Variants in CILP2 observed in about 807,000 individuals in gnomAD.
The protein encoded by CILP2 is CILP-2.
In CILP2, 38 loss-of-function variants were observed where a neutral mutation model predicts 45.6. The ratio of observed to expected loss-of-function variants is 0.83; its 90% CI spans 0.64 to 1.09. The LOEUF (loss-of-function observed/expected upper bound fraction) is 1.09, where lower values mean the gene tolerates loss of function less well. Ranked by LOEUF, CILP2 falls within the 50% of genes least tolerant of loss-of-function variation. The pLI, the probability that CILP2 is intolerant of heterozygous loss-of-function variation, is 0.00. For missense variants in CILP2, 1,735 were observed against 1,662.2 expected (o/e 1.04, Z -0.76); for synonymous variants, 780 against 723.5 (o/e 1.08, Z -1.25).
chr19:19,544,460 A>C lies in CILP2; in HGVS notation c.1915A>C (p.Thr639Pro), dbSNP rs1410608326. ...CGACGGCGAGCTGGCTCCACTGCGC[A>C]CCTACGGCATGTTCTCCGTGGACCT... ...DSDGELAPLR[T>P]YGMFSVDLRA... Residue 639 changes from threonine (T) to proline (P), a missense_variant, in exon 8 of 8, where the codon ACC (threonine) becomes CCC (proline). Coordinates refer to ENST00000291495, the MANE Select transcript of CILP2 (RefSeq NM_153221.2). The C allele has an allele frequency of 1.9e-6, 3 of 1,608,694 alleles. No individual in the cohort carries two copies. The highest frequency in any genetic ancestry group is 2.5e-6 in the Non-Finnish European group (3 of 1,179,580).
intron 1 of CILP2, 64 bp downstream of exon 1, chr19:19,538,477 G>T: frequency 1.5e-6 from 2 of 1,295,544 alleles, no homozygotes; most frequent in East Asian, 3.0e-5. Flanking sequence ...AGCCGGCCTT[G>T]GGTGAAGCCG....
rs780658186 is a variant in CILP2 at position 19,544,867 on chromosome 19, C to A, written c.2322C>A (p.Asn774Lys). 4 of 1,593,404 alleles carry A rather than the reference C, an allele frequency of 2.5e-6. No individual in the cohort carries two copies. Among genetic ancestry groups the A allele is most frequent in the Admixed American group, 3.4e-5 (2 of 58,362 alleles). ...NLEPAPGFSA[N>K]PRAWGRFDSA... ...AGCCCGCCCCCGGCTTCTCCGCCAA[C>A]CCCCGTGCCTGGGGCCGCTTTGACA... is the stretch of plus-strand genomic sequence containing the variant. Residue 774 changes from asparagine to lysine, a missense_variant, in exon 8 of 8, where the codon AAC becomes AAA. Coordinates refer to ENST00000291495, the MANE Select transcript of CILP2 (RefSeq NM_153221.2).
At position 19,544,313 on chromosome 19, in the gene CILP2, G is replaced by A. The variant is rs371319583; in HGVS notation, c.1768G>A (p.Ala590Thr). The A allele has an allele frequency of 6.2e-7, 1 of 1,612,594 alleles. No individual in the cohort carries two copies. Among genetic ancestry groups the A allele is most frequent in the Non-Finnish European group, 8.5e-7 (1 of 1,179,986 alleles). Residue 590 changes from alanine (A) to threonine (T), a missense_variant, in exon 8 of 8, where the codon GCT becomes ACT. Coordinates refer to ENST00000291495, the MANE Select transcript of CILP2 (RefSeq NM_153221.2). ...PLGELVLPSG[A>T]FRRADGKPYS... Reference sequence around the variant, plus strand: ...GGGCGAGCTGGTCCTGCCTTCTGGCGCTTTCCGCAGAGCCGACGGCAAACC... The same window carrying A: ...GGGCGAGCTGGTCCTGCCTTCTGGCACTTTCCGCAGAGCCGACGGCAAACC...
Position 19,544,883 on chromosome 19 carries a change from C to G in CILP2, c.2338C>G (p.Arg780Gly). The G allele has an allele frequency of 6.3e-7, 1 of 1,589,824 alleles. No homozygotes were observed. The highest frequency in any genetic ancestry group is 8.5e-7 in the Non-Finnish European group (1 of 1,175,936). ...GFSANPRAWG[R>G]FDSAVTGPNG... ...CTCCGCCAACCCCCGTGCCTGGGGCCGCTTTGACAGCGCGGTCACCGGCCC... is the reference window on the plus strand; with the variant it reads ...CTCCGCCAACCCCCGTGCCTGGGGCGGCTTTGACAGCGCGGTCACCGGCCC... The change falls in exon 8 of 8, where the codon CGC becomes GGC. Residue 780 changes from arginine (R) to glycine (G), a missense_variant. Transcript: ENST00000291495.
Position 19,544,777 on chromosome 19 carries a change from C to G in CILP2, c.2232C>G (p.Tyr744Ter). 3.7e-6 allele frequency: 6 copies of G among 1,606,816 alleles called. No homozygotes were observed. Among genetic ancestry groups the G allele is most frequent in the Non-Finnish European group, 5.1e-6 (6 of 1,179,620 alleles). The change falls in exon 8 of 8, where the codon TAC becomes TAG. Residue 744 changes from tyrosine to a stop codon, truncating the protein, a stop_gained. Coordinates refer to ENST00000291495, the MANE Select transcript of CILP2 (RefSeq NM_153221.2). LOFTEE classifies it low-confidence loss of function (END_TRUNC). ...RRRCFVKVRA[Y>*]ANDKFTPSEQ... is the part of the protein sequence containing the mutation. ...GCTGCTTCGTGAAGGTGCGCGCCTA[C>G]GCCAACGACAAGTTCACCCCCAGCG...
In CILP2 at chr19:19,541,185, TG is replaced by T; in HGVS notation, c.535del (p.Asp179MetfsTer46). The T allele has an allele frequency of 7.9e-7, 1 of 1,269,690 alleles. No individual in the cohort carries two copies. The highest frequency in any genetic ancestry group is 9.9e-7 in the Non-Finnish European group (1 of 1,006,686). The allele number at this position is 1,269,690 out of a possible 1,614,324, so 78.7% of individuals were successfully genotyped here. ...LRRRHCPSPA[G>X]DACPGRPLEA... Reference sequence around the variant, plus strand: ...GCCGCCGCCACTGCCCAAGCCCCGCTGGGGATGCGTGTCCCGGGCGTCCTCT... The same window carrying T: ...GCCGCCGCCACTGCCCAAGCCCCGCTGGGATGCGTGTCCCGGGCGTCCTCT... On this transcript the variant is annotated frameshift_variant, in exon 4 of 8. Coordinates refer to ENST00000291495, the MANE Select transcript of CILP2 (RefSeq NM_153221.2). LOFTEE classifies it high-confidence loss of function.
At chr19:19,541,972 A>G (rs2061246165) in intron 4 of CILP2, among the ~76,000 whole-genome samples, 1 of 152,088 alleles carries the variant, frequency 6.6e-6, no homozygotes, top group South Asian at 2.1e-4. Flanking sequence ...TTCCAGTGGA[A>G]TTTTCCATTT....
In CILP2 at chr19:19,544,645, G is replaced by A; in HGVS notation, c.2100G>A (p.Glu700=). Residue 700 remains glutamate (E), a synonymous_variant, in exon 8 of 8, where the codon GAG becomes GAA. Transcript: ENST00000291495. ...LWEEESGFRR[E]GSSGPRVRRE... ...AGGAGGAGAGCGGCTTCCGGCGCGA[G>A]GGGTCCTCGGGCCCCCGGGTGCGCC... 6.5e-7 allele frequency: 1 copy of A among 1,549,132 alleles called. No homozygotes were observed. The highest frequency in any genetic ancestry group is 1.2e-5 in the South Asian group (1 of 83,044).
Position 19,538,281 on chromosome 19 carries a change from A to T in CILP2, c.-69A>T. On this transcript the variant is annotated 5_prime_UTR_variant, in exon 1 of 8. Transcript: ENST00000291495. ...CCCACTCTCAGTCCCAGCGGCCGCC[A>T]GACCCGCCGGAGTTGGACCCGAGCA... 1 of 1,448,396 alleles carries T rather than the reference A, an allele frequency of 6.9e-7. No homozygotes were observed. The highest frequency in any genetic ancestry group is 9.3e-7 in the Non-Finnish European group (1 of 1,074,330). The allele number at this position is 1,448,396 out of a possible 1,614,324, so 89.7% of individuals were successfully genotyped here.
In CILP2 at chr19:19,543,906, T is replaced by C. The variant is rs1450369115; in HGVS notation, c.1361T>C (p.Val454Ala). The part of the protein sequence containing the change: ...ERREIHCPGY[V>A]LPVKVVAECG... ...AGGGAGATTCACTGCCCTGGCTACG[T>C]CCTCCCAGTGAAGGTGGTGGCAGAG... The change falls in exon 8 of 8, where the codon GTC (valine) becomes GCC (alanine). Residue 454 changes from valine to alanine, a missense_variant. Transcript: ENST00000291495. 1.2e-6 allele frequency: 2 copies of C among 1,613,754 alleles called. No individual in the cohort carries two copies. Among genetic ancestry groups the C allele is most frequent in the South Asian group, 1.1e-5 (1 of 91,070 alleles).
chr19:19,542,647 T>C lies in CILP2; in HGVS notation c.865T>C (p.Leu289=). 6.2e-7 allele frequency: 1 copy of C among 1,612,902 alleles called. No homozygotes were observed. The highest frequency in any genetic ancestry group is 8.5e-7 in the Non-Finnish European group (1 of 1,179,134). Residue 289 remains leucine, a synonymous_variant, in exon 5 of 8, where the codon TTG becomes CTG. Transcript: ENST00000291495. ...ISVVTIILDK[L]EKPYLVKHPE... ...TGTGGTCACCATCATCCTTGATAAG[T>C]TGGGTAAGCACCCTTGCAACATGGG...
At position 19,544,767 on chromosome 19, in the gene CILP2, T is replaced by C; in HGVS notation, c.2222T>C (p.Val741Ala). The C allele has an allele frequency of 6.2e-7, 1 of 1,607,006 alleles. No homozygotes were observed. The highest frequency in any genetic ancestry group is 8.5e-7 in the Non-Finnish European group (1 of 1,179,520). The change falls in exon 8 of 8, where the codon GTG (valine) becomes GCG (alanine). Residue 741 changes from valine (V) to alanine (A), a missense_variant. By Grantham distance (64) the Val-to-Ala change is moderately conservative. Transcript: ENST00000291495. The part of the protein sequence containing the change: ...VPERRRCFVK[V>A]RAYANDKFTP... The stretch of plus-strand genomic sequence containing the variant: ...GAGCGCCGCCGCTGCTTCGTGAAGG[T>C]GCGCGCCTACGCCAACGACAAGTTC...
In CILP2 at chr19:19,540,341, A is replaced by G. The variant is rs1336783693; in HGVS notation, c.301A>G (p.Thr101Ala). ...PRPLALEART[T>A]DWALPSAVGE... is the part of the protein sequence containing the mutation. Reference sequence around the variant, plus strand: ...ACCGCTGGCGCTGGAAGCGCGCACCACGGACTGGGCCCTGCCGTCCGCCGT... The same window carrying G: ...ACCGCTGGCGCTGGAAGCGCGCACCGCGGACTGGGCCCTGCCGTCCGCCGT... The change falls in exon 3 of 8, where the codon ACG becomes GCG. Residue 101 changes from threonine (T) to alanine (A), a missense_variant. Physicochemically the swap from Thr to Ala is moderately conservative, Grantham distance 58. Transcript: ENST00000291495. 1 of 1,566,672 alleles carries G rather than the reference A, an allele frequency of 6.4e-7. No homozygotes were observed.
chr19:19,545,590 G>C lies in CILP2; in HGVS notation c.3045G>C (p.Gln1015His), dbSNP rs772030340. 10 of 1,609,818 alleles carry C rather than the reference G, an allele frequency of 6.2e-6. No homozygotes were observed. Among genetic ancestry groups the C allele is most frequent in the Non-Finnish European group, 8.5e-6 (10 of 1,178,278 alleles). Reference sequence around the variant, plus strand: ...GGACGCTGGTGACCATTATGCCCCAGGGCAGCTGCCGGCGCGTGGCCGTCA... The same window carrying C: ...GGACGCTGGTGACCATTATGCCCCACGGCAGCTGCCGGCGCGTGGCCGTCA... ...VDRTLVTIMP[Q>H]GSCRRVAVNG... The change falls in exon 8 of 8, where the codon CAG (glutamine) becomes CAC (histidine). Residue 1015 changes from glutamine (Q) to histidine (H), a missense_variant. Physicochemically the swap from Gln to His is conservative, Grantham distance 24 (BLOSUM62 0). Transcript: ENST00000291495.
rs1460879891 is a variant in CILP2 at position 19,540,258 on chromosome 19, A to T, written c.218A>T (p.Asp73Val). 2 of 1,603,284 alleles carry T rather than the reference A, an allele frequency of 1.2e-6. No homozygotes were observed. ...GTGGACCACCCCGGAGGCGACGGCG[A>T]CTTCGAGAGCCTGGCTGCCATCCGC... ...FNVDHPGGDG[D>V]FESLAAIRFY... Residue 73 changes from aspartate to valine, a missense_variant, in exon 3 of 8, where the codon GAC becomes GTC. By Grantham distance (152) the Asp-to-Val change is radical. Transcript: ENST00000291495.
chr19:19,542,691 T>C, intron 5 of CILP2, 41 bp downstream of exon 5: 1 of 1,603,606 alleles, frequency 6.2e-7, no homozygotes, highest in Non-Finnish European at 8.5e-7. Context: ...GGGCTGAGGA[T>C]CTGGGGAGGA....
intron 1 of CILP2, 143 bp from the exon 2 acceptor site, chr19:19,539,536 C>G: frequency 1.9e-6 from 1 of 520,718 alleles, no homozygotes; most frequent in Non-Finnish European, 3.3e-6. Context: ...TGCACTCCAG[C>G]CTGGGTGACA....
rs1197842177 is a variant in CILP2, at chr19:19,546,023, CA to C, written c.*8del. The C allele has an allele frequency of 1.4e-6, 2 of 1,452,960 alleles. No individual in the cohort carries two copies. Among genetic ancestry groups the C allele is most frequent in the East Asian group, 4.9e-5 (2 of 40,890 alleles). 90.0% of individuals were successfully genotyped at this position (1,452,960 alleles called of 1,614,324 possible). On this transcript the variant is annotated 3_prime_UTR_variant, in exon 8 of 8. Coordinates refer to ENST00000291495, the MANE Select transcript of CILP2 (RefSeq NM_153221.2). Reference sequence around the variant, plus strand: ...GGGTAGGGTCCGGCAGTGACCTGGGCAGGGGCCTCGCTTTCCCACCTCCCTC... The same window carrying C: ...GGGTAGGGTCCGGCAGTGACCTGGGCGGGGCCTCGCTTTCCCACCTCCCTC...
Position 19,538,339 on chromosome 19 carries a change from C to G in CILP2, c.-11C>G, listed in dbSNP as rs1375551096. 6.3e-7 allele frequency: 1 copy of G among 1,576,856 alleles called. No homozygotes were observed. Among genetic ancestry groups the G allele is most frequent in the East Asian group, 2.4e-5 (1 of 42,016 alleles). ...GAGCCCGGACCCTCCCTCGGACGCT[C>G]TGCCCCGGCCATGGCGTCGCTGCTG... On this transcript the variant is annotated 5_prime_UTR_variant, in exon 1 of 8. Transcript: ENST00000291495.
Sources: allele counts gnomAD v4.1 joint callset (sites outside exome capture counted in the v4.1 genomes callset), GRCh38; gene constraint gnomAD v4.1.1; transcripts MANE v1.5; gene names NCBI Gene and HGNC (gene_info 2026-07-23, HGNC 2026-07-21).